ST6GALNAC3: variants seen among roughly 807,000 people sequenced by gnomAD.
ST6GALNAC3 encodes alpha-N-acetylgalactosaminide alpha-2,6-sialyltransferase 3.
In ST6GALNAC3, 25 loss-of-function variants were observed where a neutral mutation model predicts 32.7. That is an observed-to-expected ratio of 0.76 (90% confidence interval 0.56 to 1.07). The LOEUF is 1.07. Ranked by LOEUF, ST6GALNAC3 falls within the 50% of genes least tolerant of loss-of-function variation. The pLI is 0.00. For missense variants in ST6GALNAC3, 355 were observed against 382.4 expected (o/e 0.93, Z 0.60); for synonymous variants, 129 against 133.1 (o/e 0.97, Z 0.21).
intron 3 of ST6GALNAC3, among the ~76,000 whole-genome samples, chr1:76,452,560 GT>G (rs60431967): frequency 6.6e-6 from 1 of 152,064 alleles, no homozygotes; most frequent in Non-Finnish European, 1.5e-5. Flanking sequence ...TTTTAATTCT[GT>G]TTTTGTGGTG....
At chr1:76,626,350 G>T (rs572838846) in intron 3 of ST6GALNAC3, among the ~76,000 whole-genome samples, 1 of 151,956 alleles carries the variant, frequency 6.6e-6, no homozygotes, top group South Asian at 2.1e-4. Context: ...CAAACAAATT[G>T]GGGTGCTCCA....
At chr1:76,112,580 A>G (rs1451599451) in intron 1 of ST6GALNAC3, among the ~76,000 whole-genome samples, 2 of 150,158 alleles carry the variant, frequency 1.3e-5, no homozygotes, top group African/African-American at 2.5e-5. Flanking sequence ...CACTTCCCAG[A>G]CGGTGTGGCT....
At chr1:76,411,949 G>C in intron 2 of ST6GALNAC3, 59 bp from the exon 3 acceptor site, 4 of 1,549,274 alleles carry the variant, frequency 2.6e-6, no homozygotes, top group Non-Finnish European at 3.5e-6. Flanking sequence ...TTTCCCATAG[G>C]AACTTGTTTG....
chr1:76,513,295 T>C (rs966493453), intron 3 of ST6GALNAC3, among the ~76,000 whole-genome samples: 4 of 152,182 alleles, frequency 2.6e-5, no homozygotes, highest in Non-Finnish European at 5.9e-5. Flanking sequence ...ATCCATTTAG[T>C]TGGATTTTGC....
intron 1 of ST6GALNAC3, among the ~76,000 whole-genome samples, chr1:76,310,693 T>C (rs1213412437): frequency 6.6e-6 from 1 of 152,166 alleles, no homozygotes; most frequent in Non-Finnish European, 1.5e-5. Flanking sequence ...AGTGGTAAGC[T>C]GAAAATGCAA....
intron 3 of ST6GALNAC3, among the ~76,000 whole-genome samples, chr1:76,499,714 G>C (rs1438015456): frequency 6.6e-6 from 1 of 152,040 alleles, no homozygotes; most frequent in Non-Finnish European, 1.5e-5. Context: ...CCCTCTTAGT[G>C]TGCAAGAGAG....
intron 3 of ST6GALNAC3, among the ~76,000 whole-genome samples, chr1:76,496,882 A>C (rs1427798762): frequency 6.6e-6 from 1 of 152,194 alleles, no homozygotes; most frequent in Non-Finnish European, 1.5e-5. Flanking sequence ...TCCTGAAGTC[A>C]CTGCCCTCTA....
chr1:76,536,019 C>A (rs1663575019), intron 3 of ST6GALNAC3, among the ~76,000 whole-genome samples: 1 of 151,906 alleles, frequency 6.6e-6, no homozygotes. Flanking sequence ...CTTTTACATG[C>A]AAAATTCAAT....
intron 3 of ST6GALNAC3, among the ~76,000 whole-genome samples, chr1:76,504,280 T>A (rs1210701930): frequency 6.6e-6 from 1 of 152,176 alleles, no homozygotes; most frequent in Non-Finnish European, 1.5e-5. Context: ...TTTCCCTGTG[T>A]GTCTTTTTAT....
intron 2 of ST6GALNAC3, among the ~76,000 whole-genome samples, chr1:76,350,819 A>C (rs1172222987): frequency 2.0e-5 from 3 of 152,106 alleles, no homozygotes; most frequent in Non-Finnish European, 2.9e-5. Flanking sequence ...TGAAACAAAT[A>C]CTAGGTTCCT....
intron 1 of ST6GALNAC3, among the ~76,000 whole-genome samples, chr1:76,173,145 C>G (rs1306181776): frequency 2.0e-5 from 3 of 152,148 alleles, no homozygotes; most frequent in African/African-American, 7.2e-5. Context: ...GACATACTGA[C>G]TAATGGAGCA....
At chr1:76,189,586 A>AAGCC (rs56286122) in intron 1 of ST6GALNAC3, among the ~76,000 whole-genome samples, 76,103 of 151,874 alleles carry the variant, frequency 0.5, 22,325 homozygotes, top group East Asian at 0.87. Context: ...AAGAGATCAG[A>AAGCC]AGCCAGCAAA....
intron 3 of ST6GALNAC3, among the ~76,000 whole-genome samples, chr1:76,505,729 A>G (rs1571449156): frequency 6.6e-6 from 1 of 152,296 alleles, no homozygotes; most frequent in East Asian, 1.9e-4. Context: ...TCATATATTA[A>G]AACACTGAAA....
At chr1:76,466,098 C>T (rs1466237602) in intron 3 of ST6GALNAC3, among the ~76,000 whole-genome samples, 1 of 152,030 alleles carries the variant, frequency 6.6e-6, no homozygotes, top group Non-Finnish European at 1.5e-5. Flanking sequence ...ACATTTCTCC[C>T]AGTCATGGTT....
intron 3 of ST6GALNAC3, among the ~76,000 whole-genome samples, chr1:76,575,886 G>A (rs1299066661): frequency 6.6e-6 from 1 of 151,810 alleles, no homozygotes; most frequent in Admixed American, 6.6e-5. Context: ...TCCCATATGG[G>A]GGCTCTAAGA....
intron 3 of ST6GALNAC3, among the ~76,000 whole-genome samples, chr1:76,445,021 A>G (rs1656873778): frequency 6.6e-6 from 1 of 152,234 alleles, no homozygotes; most frequent in South Asian, 2.1e-4. Flanking sequence ...GTTCTAGTCT[A>G]AAGCAAGGGA....
intron 3 of ST6GALNAC3, among the ~76,000 whole-genome samples, chr1:76,446,107 T>C (rs1002781838): frequency 1.3e-5 from 2 of 152,360 alleles, no homozygotes. Context: ...GCCAACAATA[T>C]GCTATGGTTA....
At chr1:76,190,470 C>T (rs1490235414) in intron 1 of ST6GALNAC3, among the ~76,000 whole-genome samples, 1 of 152,088 alleles carries the variant, frequency 6.6e-6, no homozygotes, top group African/African-American at 2.4e-5. Flanking sequence ...TCAAGTAAAA[C>T]AAAACATTAG....
chr1:76,433,757 C>A (rs933694282), intron 3 of ST6GALNAC3, among the ~76,000 whole-genome samples: 1 of 152,100 alleles, frequency 6.6e-6, no homozygotes, highest in Non-Finnish European at 1.5e-5. Flanking sequence ...AGGCTAGGCT[C>A]TTACTGTCAA....
Sources: gnomAD v4.1 joint callset for allele counts (sites outside exome capture counted in the v4.1 genomes callset) on GRCh38, gnomAD v4.1.1 for gene constraint, MANE v1.5 for transcripts, NCBI Gene and HGNC (gene_info 2026-07-23, HGNC 2026-07-21) for gene names.